LLGL2: variants seen among roughly 807,000 people sequenced by gnomAD.
LLGL2 encodes LLGL scribble cell polarity complex component 2.
A neutral mutation model predicts 123.2 loss-of-function variants in LLGL2; 81 were observed. The ratio of observed to expected loss-of-function variants is 0.66; its 90% confidence interval spans 0.55 to 0.79. The LOEUF (loss-of-function observed/expected upper bound fraction) is 0.79. Ranked by LOEUF, LLGL2 falls within the 30% of genes least tolerant of loss-of-function variation. LLGL2 has a pLI of 0.00. For missense variants in LLGL2, 1,273 were observed against 1,414.6 expected, an observed-to-expected ratio of 0.90 and a Z score of 1.61; for synonymous variants, 577 against 594.1, an observed-to-expected ratio of 0.97 and a Z score of 0.42.
At chr17:75,528,493 C>A (rs2053656567) in intron 1 of LLGL2, among the ~76,000 whole-genome samples, 2 of 152,002 alleles carry the variant, frequency 1.3e-5, no homozygotes, top group Admixed American at 1.3e-4. Flanking sequence ...AATCTCAGCA[C>A]TTTGGGAGGC....
chr17:75,545,308 A>G (rs780883245), intron 2 of LLGL2, among the ~76,000 whole-genome samples: 3 of 152,032 alleles, frequency 2.0e-5, no homozygotes, highest in Admixed American at 2.0e-4. Flanking sequence ...CTTTCCATTC[A>G]TATGCAAGAA....
rs970958696 is a variant in LLGL2, at chr17:75,558,376, T to C, written c.256-136T>C. 4 of 1,151,246 alleles carry C rather than the reference T, an allele frequency of 3.5e-6. No homozygotes were observed. In the Admixed American group the frequency reaches 9.2e-5, roughly 26 times the overall value. 71.3% of individuals were successfully genotyped at this position (1,151,246 alleles called of 1,614,324 possible). ...TGGAAAGACCTGGGACCCCCTCCCT[T>C]TCCACAGCTGGGGCTCATGGGCCAC... On this transcript the variant is annotated intron_variant, in intron 4 of 25. Transcript: ENST00000392550. This position sits in a 1 kb window ranked among gnomAD's most constrained non-coding sequence, Gnocchi z 4.0.
intron 3 of LLGL2, among the ~76,000 whole-genome samples, chr17:75,557,518 C>G (rs2054970769): frequency 6.6e-6 from 1 of 152,242 alleles, no homozygotes; most frequent in Non-Finnish European, 1.5e-5. Context: ...CCCCTCAGGG[C>G]AGGGCCCAAG....
chr17:75,545,505 C>T (rs939523390), intron 2 of LLGL2, among the ~76,000 whole-genome samples: 2 of 151,934 alleles, frequency 1.3e-5, no homozygotes, highest in East Asian at 1.9e-4. Flanking sequence ...TAGACTCATC[C>T]GGCTCGGGGA....
chr17:75,541,171 G>A (rs1170739896), intron 1 of LLGL2, among the ~76,000 whole-genome samples: 4 of 152,184 alleles, frequency 2.6e-5, no homozygotes, highest in African/African-American at 7.2e-5. Flanking sequence ...GTTCTGCCTT[G>A]TCACTTTTAA....
chr17:75,542,138 C>T (rs1279494793), intron 1 of LLGL2, among the ~76,000 whole-genome samples: 1 of 152,052 alleles, frequency 6.6e-6, no homozygotes, highest in African/African-American at 2.4e-5. Context: ...CCACGCTGCC[C>T]AGATTACATG....
At chr17:75,531,882 T>A (rs997659149) in intron 1 of LLGL2, among the ~76,000 whole-genome samples, 12 of 152,090 alleles carry the variant, frequency 7.9e-5, no homozygotes, top group Non-Finnish European at 1.5e-4. Flanking sequence ...TAGGAGAGGC[T>A]GCTCTGGGCG....
At chr17:75,569,801 CAA>C (rs567857752) in intron 14 of LLGL2, among the ~76,000 whole-genome samples, 160 bp from the exon 15 acceptor site, 58,267 of 130,372 alleles carry the variant, frequency 0.45, 13,079 homozygotes, top group African/African-American at 0.64. Context: ...AGACTTGTCT[CAA>C]AAAAAAAAAA....
At chr17:75,548,279 C>T (rs1300720691) in intron 2 of LLGL2, among the ~76,000 whole-genome samples, 3 of 144,204 alleles carry the variant, frequency 2.1e-5, no homozygotes, top group African/African-American at 5.1e-5. Flanking sequence ...TTTTTTTTTC[C>T]TTTTTTTTTT....
chr17:75,538,372 T>G (rs1012165030), intron 1 of LLGL2, among the ~76,000 whole-genome samples: 3 of 152,132 alleles, frequency 2.0e-5, no homozygotes, highest in Non-Finnish European at 2.9e-5. Context: ...CCCACTTGTC[T>G]TCATCCTGAA....
At chr17:75,547,929 C>T (rs894575935) in intron 2 of LLGL2, among the ~76,000 whole-genome samples, 1 of 152,002 alleles carries the variant, frequency 6.6e-6, no homozygotes, top group African/African-American at 2.4e-5. Context: ...CAGAGAAGGT[C>T]CTGGGTAATA....
At chr17:75,536,036 C>T (rs1287570610) in intron 1 of LLGL2, among the ~76,000 whole-genome samples, 1 of 152,230 alleles carries the variant, frequency 6.6e-6, no homozygotes, top group East Asian at 1.9e-4. Context: ...CCTTTTGCGG[C>T]CCGGCTCTAA....
At chr17:75,557,034 C>CTT (rs55649536) in intron 3 of LLGL2, among the ~76,000 whole-genome samples, 1,686 of 109,364 alleles carry the variant, frequency 0.015, 71 homozygotes, top group African/African-American at 0.051. Context: ...GTCTCAAAAA[C>CTT]TTTTTTTTTT....
rs149733034 is a variant in LLGL2, at chr17:75,540,975, A to G, written c.-30-2422A>G. ...TTTGGTTTTTCTACAATGGGCACAG[A>G]TTACTTGAGCAAAATGTTTTAAATG... On this transcript the variant is annotated intron_variant, in intron 1 of 25. Transcript: ENST00000392550. Among the ~76,000 whole-genome samples, 443 of 152,274 alleles carry G rather than the reference A, an allele frequency of 2.9e-3. 5 individuals carry two copies. Among genetic ancestry groups the G allele is most frequent in the African/African-American group, 0.01 (429 of 41,536 alleles).
chr17:75,570,312 G>A (rs140444060), intron 15 of LLGL2, 36 bp from the exon 16 acceptor site: 35,063 of 1,607,944 alleles, frequency 0.022, 511 homozygotes, highest in Non-Finnish European at 0.026. Context: ...GGACTCCCAG[G>A]ACCTAGCAGC....
intron 1 of LLGL2, among the ~76,000 whole-genome samples, chr17:75,535,914 G>A (rs2053983942): frequency 6.6e-6 from 1 of 152,238 alleles, no homozygotes; most frequent in Admixed American, 6.5e-5. Context: ...GAACAGTGAG[G>A]AGGGAAGGAA....
At position 75,529,220 on chromosome 17, in the gene LLGL2, C is replaced by T. The variant is rs1419281367; in HGVS notation, c.-31+3395C>T. Among the ~76,000 whole-genome samples, 3 of 151,400 alleles carry T rather than the reference C, an allele frequency of 2.0e-5. No homozygotes were observed. The South Asian group carries it at 6.2e-4, about 31-fold the overall frequency. On this transcript the variant is annotated intron_variant, in intron 1 of 25. Transcript: ENST00000392550. ...TCCTTTTCTTTTTTTTTCTTTGAGA[C>T]GAAGTCTCCTCTGTCGCCCAGGATG...
At chr17:75,568,268 A>G in intron 10 of LLGL2, 1 of 1,427,250 alleles carries the variant, frequency 7.0e-7, no homozygotes, top group South Asian at 1.5e-5. Flanking sequence ...GCCCTGTGCC[A>G]GGGAGCTCTC....
Position 75,568,588 on chromosome 17 carries a change from C to T in LLGL2, c.1149C>T (p.His383=). 1 of 1,613,974 alleles carries T rather than the reference C, an allele frequency of 6.2e-7. No homozygotes were observed. Among genetic ancestry groups the T allele is most frequent in the Non-Finnish European group, 8.5e-7 (1 of 1,180,034 alleles). ...AGCTGCCCTACCTGGCTTCTCTGCA[C>T]TGTTCCGCCATCACCTGCTCTCACC... ...PVQLPYLASL[H]CSAITCSHHV... The change falls in exon 11 of 26, where the codon CAC becomes CAT. Residue 383 remains histidine, a synonymous_variant. Transcript: ENST00000392550.
Sources: gnomAD v4.1 joint callset for allele counts (sites outside exome capture counted in the v4.1 genomes callset) on GRCh38, gnomAD v4.1.1 for gene constraint, Gnocchi (gnomAD v3.1) non-coding constraint, MANE v1.5 for transcripts, NCBI Gene and HGNC (gene_info 2026-07-23, HGNC 2026-07-21) for gene names.